Variants in CENPP observed in about 807,000 individuals in gnomAD.
The protein encoded by CENPP is centromere protein P.
A neutral mutation model predicts 35.6 loss-of-function variants in CENPP; 24 were observed. The ratio of observed to expected loss-of-function variants is 0.67; its 90% CI spans 0.49 to 0.95. The LOEUF is 0.95. CENPP is among the 40% of genes least tolerant of loss of function. The probability of loss-of-function intolerance (pLI) is 0.00; values close to 1 mark genes in which losing one functional copy is unlikely to be tolerated. For synonymous variants in CENPP, 120 were observed against 125.5 expected (o/e 0.96, Z 0.29); for missense variants, 332 against 345.3 (o/e 0.96, Z 0.31).
chr9:92,429,206 A>G (rs536832816), intron 5 of CENPP, among the ~76,000 whole-genome samples: 2 of 152,056 alleles, frequency 1.3e-5, no homozygotes, highest in South Asian at 4.2e-4. Context: ...GAATGTTTCT[A>G]TTTTCCTGAC....
chr9:92,430,481 C>A (rs117748837), intron 5 of CENPP, among the ~76,000 whole-genome samples: 17 of 150,958 alleles, frequency 1.1e-4, no homozygotes, highest in African/African-American at 4.1e-4. Flanking sequence ...TTCAGTCGCC[C>A]GAGTAGCTGG....
At chr9:92,364,124 A>G (rs1040211441) in intron 4 of CENPP, among the ~76,000 whole-genome samples, 5 of 151,920 alleles carry the variant, frequency 3.3e-5, no homozygotes, top group African/African-American at 1.2e-4. Context: ...TGCTGGGATT[A>G]TAGGCATGAG....
At chr9:92,348,929 T>C (rs1435306366) in intron 4 of CENPP, among the ~76,000 whole-genome samples, 2 of 151,878 alleles carry the variant, frequency 1.3e-5, no homozygotes, top group Non-Finnish European at 2.9e-5. Flanking sequence ...TTTTCTGTAT[T>C]AGTGTGTCAT....
intron 5 of CENPP, chr9:92,536,573 G>A (rs1849175590): frequency 6.5e-6 from 1 of 152,768 alleles, no homozygotes; most frequent in South Asian, 2.1e-4. Flanking sequence ...AAGAAAATGT[G>A]AAAGGGAGCT....
At chr9:92,401,179 CT>C in intron 5 of CENPP, 5 of 1,445,056 alleles carry the variant, frequency 3.5e-6, no homozygotes, top group African/African-American at 1.4e-5. Flanking sequence ...ATCACAGTTT[CT>C]TTTTCCTATT....
chr9:92,591,375 C>T (rs1001789498), intron 5 of CENPP, among the ~76,000 whole-genome samples: 2 of 151,446 alleles, frequency 1.3e-5, no homozygotes, highest in African/African-American at 2.4e-5. Context: ...GCCGAGATTG[C>T]GCCACTGCAC....
At chr9:92,459,904 T>C in intron 5 of CENPP, 1 of 706,758 alleles carries the variant, frequency 1.4e-6, no homozygotes, top group Non-Finnish European at 2.2e-6. Flanking sequence ...TTCATTACTT[T>C]ATTTAATAAC....
chr9:92,355,694 A>G (rs1407126827), intron 4 of CENPP, among the ~76,000 whole-genome samples: 2 of 152,248 alleles, frequency 1.3e-5, no homozygotes, highest in Non-Finnish European at 2.9e-5. Flanking sequence ...TAAGTCTAAA[A>G]TAGCCCATTA....
intron 5 of CENPP, among the ~76,000 whole-genome samples, chr9:92,511,441 T>A (rs1003032444): frequency 2.6e-4 from 37 of 143,102 alleles, no homozygotes; most frequent in African/African-American, 6.5e-4. Context: ...TTTTTTTTTT[T>A]AAATATATAA....
intron 5 of CENPP, among the ~76,000 whole-genome samples, chr9:92,431,889 T>A (rs1844118678): frequency 6.6e-6 from 1 of 152,156 alleles, no homozygotes; most frequent in Non-Finnish European, 1.5e-5. Context: ...CATTTTTCTA[T>A]TATGTAATTT....
intron 5 of CENPP, among the ~76,000 whole-genome samples, chr9:92,609,440 T>A (rs764002746): frequency 2.6e-5 from 4 of 152,226 alleles, no homozygotes; most frequent in Non-Finnish European, 5.9e-5. Flanking sequence ...TTGCCTTGTG[T>A]CCTCTGACTA....
chr9:92,351,483 A>C (rs558565366), intron 4 of CENPP, among the ~76,000 whole-genome samples: 94 of 152,096 alleles, frequency 6.2e-4, no homozygotes, highest in African/African-American at 2.2e-3. Context: ...CTCAAAAAAA[A>C]AAAAAAAAAA....
intron 5 of CENPP, chr9:92,460,596 G>A: frequency 7.4e-7 from 1 of 1,345,484 alleles, no homozygotes; most frequent in Non-Finnish European, 1.1e-6. Context: ...TATATGTTAA[G>A]TCAAGTATCA....
intron 5 of CENPP, among the ~76,000 whole-genome samples, chr9:92,515,679 A>G (rs542738267): frequency 1.3e-5 from 2 of 152,234 alleles, no homozygotes; most frequent in Non-Finnish European, 2.9e-5. Context: ...ACTTGCTTAT[A>G]GCAGTGAAAC....
At chr9:92,541,191 G>A (rs985497570) in intron 5 of CENPP, among the ~76,000 whole-genome samples, 5 of 152,010 alleles carry the variant, frequency 3.3e-5, no homozygotes, top group African/African-American at 1.2e-4. Flanking sequence ...CCCAGGAGGC[G>A]GAGATTGCAG....
Position 92,329,518 on chromosome 9 carries a change from T to C in CENPP, c.108-2652T>C, listed in dbSNP as rs552346517. 3.3e-5 allele frequency among the ~76,000 whole-genome samples: 5 copies of C among 151,906 alleles called. No homozygotes were observed. In the South Asian group the frequency reaches 1.0e-3, roughly 32 times the overall value. ...ATATATGAAGATTGTCTCTGTTCTT[T>C]TTTCTTTTTCTTTTTCTTTTTTGTT... On this transcript the variant is annotated intron_variant, in intron 1 of 7. Coordinates refer to ENST00000375587, the MANE Select transcript of CENPP (RefSeq NM_001012267.3).
intron 5 of CENPP, among the ~76,000 whole-genome samples, chr9:92,438,698 A>G (rs1260528160): frequency 6.6e-6 from 1 of 152,258 alleles, no homozygotes; most frequent in Non-Finnish European, 1.5e-5. Context: ...CTTGCCTGGA[A>G]TCCCAGCACT....
At chr9:92,558,030 C>A (rs1242300352) in intron 5 of CENPP, among the ~76,000 whole-genome samples, 1 of 152,078 alleles carries the variant, frequency 6.6e-6, no homozygotes, top group East Asian at 1.9e-4. Flanking sequence ...TTGAATATTT[C>A]TCCCTTCACT....
intron 5 of CENPP, among the ~76,000 whole-genome samples, chr9:92,450,781 T>C (rs1844686113): frequency 6.6e-6 from 1 of 152,002 alleles, no homozygotes; most frequent in Non-Finnish European, 1.5e-5. Flanking sequence ...TTTTAATGAT[T>C]GCCATTCTAA....
Sources: allele counts gnomAD v4.1 joint callset (sites outside exome capture counted in the v4.1 genomes callset), GRCh38; gene constraint gnomAD v4.1.1; transcripts MANE v1.5; gene names NCBI Gene and HGNC (gene_info 2026-07-23, HGNC 2026-07-21).